MGAT4C: variants seen among roughly 807,000 people sequenced by gnomAD.
MGAT4C encodes MGAT4 family member C.
A neutral mutation model predicts 40.1 loss-of-function variants in MGAT4C; 19 were observed. The ratio of observed to expected loss-of-function variants is 0.47; its 90% CI spans 0.33 to 0.70. The LOEUF (loss-of-function observed/expected upper bound fraction) is 0.70, where lower values mean the gene tolerates loss of function less well. Ranked by LOEUF, MGAT4C falls within the 30% of genes least tolerant of loss-of-function variation. The pLI, the probability that MGAT4C is intolerant of heterozygous loss-of-function variation, is 0.02. For missense variants in MGAT4C, 491 were observed against 563.2 expected (o/e 0.87, Z 1.30); for synonymous variants, 181 against 187.1 (o/e 0.97, Z 0.27).
At chr12:86,821,487 C>T (rs1952705900) in intron 1 of MGAT4C, among the ~76,000 whole-genome samples, 1 of 150,836 alleles carries the variant, frequency 6.6e-6, no homozygotes, top group Non-Finnish European at 1.5e-5. Flanking sequence ...AAGCAGTTAT[C>T]ATTTCTTTGT....
At chr12:86,610,406 G>A (rs145132936) in intron 2 of MGAT4C, among the ~76,000 whole-genome samples, 5 of 152,176 alleles carry the variant, frequency 3.3e-5, no homozygotes, top group South Asian at 4.1e-4. Flanking sequence ...GAATGTATGC[G>A]CCATGCAAAT....
intron 1 of MGAT4C, among the ~76,000 whole-genome samples, chr12:86,172,772 A>C (rs1014349533): frequency 2.6e-5 from 4 of 152,114 alleles, no homozygotes; most frequent in Non-Finnish European, 5.9e-5. Flanking sequence ...ATTTTTTTAG[A>C]TTAGTGATGG....
At chr12:86,172,457 G>A (rs1886955543) in intron 1 of MGAT4C, among the ~76,000 whole-genome samples, 2 of 151,880 alleles carry the variant, frequency 1.3e-5, no homozygotes, top group Non-Finnish European at 2.9e-5. Context: ...GTAGTCACTG[G>A]GGATAGAACA....
At chr12:86,196,241 C>T (rs930696160) in intron 1 of MGAT4C, among the ~76,000 whole-genome samples, 2 of 152,214 alleles carry the variant, frequency 1.3e-5, no homozygotes, top group Non-Finnish European at 2.9e-5. Context: ...TCTTTACCAA[C>T]TAAAAAGGAC....
intron 4 of MGAT4C, among the ~76,000 whole-genome samples, chr12:86,308,580 G>C (rs1018002333): frequency 6.6e-6 from 1 of 150,578 alleles, no homozygotes; most frequent in Non-Finnish European, 1.5e-5. Context: ...TTGATTGGTT[G>C]CTTGGTCATG....
At chr12:86,633,179 T>G (rs951396536) in intron 2 of MGAT4C, among the ~76,000 whole-genome samples, 1 of 151,932 alleles carries the variant, frequency 6.6e-6, no homozygotes, top group African/African-American at 2.4e-5. Context: ...AGGCAGGAAG[T>G]CTGAGAACAT....
At chr12:86,359,954 G>A (rs368955355) in intron 3 of MGAT4C, among the ~76,000 whole-genome samples, 1 of 152,164 alleles carries the variant, frequency 6.6e-6, no homozygotes, top group Non-Finnish European at 1.5e-5. Context: ...AATAGATAAA[G>A]AGGGAATCCT....
intron 2 of MGAT4C, among the ~76,000 whole-genome samples, chr12:86,525,725 A>C (rs1285043985): frequency 1.3e-5 from 2 of 152,004 alleles, no homozygotes; most frequent in Non-Finnish European, 2.9e-5. Context: ...TCAGCTCCCA[A>C]CTCCTGGACT....
At chr12:86,710,143 A>C (rs1950531584) in intron 2 of MGAT4C, among the ~76,000 whole-genome samples, 1 of 152,198 alleles carries the variant, frequency 6.6e-6, no homozygotes, top group Admixed American at 6.5e-5. Flanking sequence ...CAACTTCACT[A>C]GTCATTGAAG....
chr12:86,499,107 G>T (rs1278259519), intron 2 of MGAT4C, among the ~76,000 whole-genome samples: 1 of 151,758 alleles, frequency 6.6e-6, no homozygotes, highest in Non-Finnish European at 1.5e-5. Context: ...TAAGAATACA[G>T]TATGTAACAT....
At chr12:86,375,471 T>C (rs1438921960) in intron 3 of MGAT4C, among the ~76,000 whole-genome samples, 2 of 152,078 alleles carry the variant, frequency 1.3e-5, no homozygotes, top group Non-Finnish European at 2.9e-5. Context: ...ATCTAAGGTT[T>C]ATTTTTTTTT....
intron 2 of MGAT4C, among the ~76,000 whole-genome samples, chr12:86,047,102 T>C (rs527844212): frequency 1.3e-5 from 2 of 152,280 alleles, no homozygotes; most frequent in African/African-American, 4.8e-5. Context: ...TTTGGAGTCC[T>C]TAATGATTCT....
chr12:86,411,798 C>T (rs1956610679), intron 3 of MGAT4C, among the ~76,000 whole-genome samples: 2 of 152,258 alleles, frequency 1.3e-5, no homozygotes, highest in South Asian at 4.1e-4. Flanking sequence ...GGTCTTCACA[C>T]CAGACCCTCC....
At chr12:86,288,716 T>C (rs1373156187) in intron 4 of MGAT4C, among the ~76,000 whole-genome samples, 10 of 152,176 alleles carry the variant, frequency 6.6e-5, no homozygotes, top group Admixed American at 6.5e-4. Context: ...AAGTCTTTTT[T>C]TGGAAAGTGT....
At chr12:86,654,208 C>A (rs1478330111) in intron 2 of MGAT4C, among the ~76,000 whole-genome samples, 4 of 151,894 alleles carry the variant, frequency 2.6e-5, no homozygotes, top group African/African-American at 9.7e-5. Context: ...AGGTATTGAC[C>A]TTTTGATTCT....
chr12:86,351,879 TTGA>T (rs1955168972), intron 3 of MGAT4C, among the ~76,000 whole-genome samples: 1 of 152,070 alleles, frequency 6.6e-6, no homozygotes, highest in African/African-American at 2.4e-5. Context: ...CATTATATGG[TTGA>T]TAAGTGAAAG....
chr12:86,135,029 A>G (rs1396375433), intron 1 of MGAT4C, among the ~76,000 whole-genome samples: 1 of 152,158 alleles, frequency 6.6e-6, no homozygotes, highest in African/African-American at 2.4e-5. Context: ...CACAACCCCC[A>G]AATCCAGAAA....
intron 2 of MGAT4C, among the ~76,000 whole-genome samples, chr12:86,645,854 G>T (rs1265676537): frequency 1.3e-5 from 2 of 151,566 alleles, no homozygotes; most frequent in African/African-American, 4.8e-5. Flanking sequence ...CTCAATATAG[G>T]TAATGCCTAT....
chr12:86,442,047 G>A (rs7303099), intron 2 of MGAT4C, among the ~76,000 whole-genome samples: 135,439 of 151,998 alleles, frequency 0.89, 60,546 homozygotes, highest in East Asian at 1. Flanking sequence ...TAACTGGTGT[G>A]AGATGGTATC....
Sources: allele counts gnomAD v4.1 joint callset (sites outside exome capture counted in the v4.1 genomes callset), GRCh38; gene constraint gnomAD v4.1.1; transcripts MANE v1.5; gene names NCBI Gene and HGNC (gene_info 2026-07-23, HGNC 2026-07-21).